Variants in TNKS observed in about 807,000 individuals in gnomAD.
TNKS encodes tankyrase, also known as poly [ADP-ribose] polymerase tankyrase-1.
A neutral mutation model predicts 135.8 loss-of-function variants in TNKS; 72 were observed. That is an observed-to-expected ratio of 0.53 (90% CI 0.44 to 0.64). TNKS has a LOEUF of 0.64. Among genes scored for constraint, TNKS ranks in the 30% least tolerant of loss-of-function variants. The probability of loss-of-function intolerance (pLI) is 0.00; values close to 1 mark genes in which losing one functional copy is unlikely to be tolerated. For missense variants in TNKS, 1,769 were observed against 1,674.0 expected (o/e 1.06, Z -0.99); for synonymous variants, 849 against 649.3 (o/e 1.31, Z -4.68).
At chr8:9,769,553 A>C (rs1163047235) in intron 25 of TNKS, among the ~76,000 whole-genome samples, 1 of 148,220 alleles carries the variant, frequency 6.7e-6, no homozygotes, top group Non-Finnish European at 1.5e-5. Context: ...GCAAGGGCTC[A>C]GTTTTTTCTC....
intron 5 of TNKS, among the ~76,000 whole-genome samples, chr8:9,688,029 A>G (rs1803089070): frequency 6.6e-6 from 1 of 152,240 alleles, no homozygotes; most frequent in African/African-American, 2.4e-5. Context: ...GAAACACACA[A>G]GACAGCTTCT....
intron 11 of TNKS, among the ~76,000 whole-genome samples, chr8:9,713,400 A>C (rs1804431341): frequency 6.6e-6 from 1 of 152,196 alleles, no homozygotes; most frequent in Non-Finnish European, 1.5e-5. Flanking sequence ...GTCTCCCATC[A>C]GGCATTTTAG....
At chr8:9,629,517 G>A (rs981828041) in intron 3 of TNKS, among the ~76,000 whole-genome samples, 46 of 152,148 alleles carry the variant, frequency 3.0e-4, no homozygotes, top group Non-Finnish European at 4.4e-4. Context: ...TTTTCCTGTT[G>A]CTCCTGTATT....
intron 1 of TNKS, among the ~76,000 whole-genome samples, chr8:9,562,458 G>A (rs1797375202): frequency 6.6e-6 from 1 of 151,984 alleles, no homozygotes; most frequent in South Asian, 2.1e-4. Flanking sequence ...TATGATTTTA[G>A]CTACATTTTA....
intron 2 of TNKS, among the ~76,000 whole-genome samples, chr8:9,612,252 TAAA>T (rs1799490858): frequency 6.6e-6 from 1 of 152,244 alleles, no homozygotes; most frequent in Admixed American, 6.5e-5. Context: ...AAAATATAAA[TAAA>T]AAGAAGTACT....
At chr8:9,556,675 A>G in intron 1 of TNKS, 63 bp downstream of exon 1, 4 of 1,587,842 alleles carry the variant, frequency 2.5e-6, no homozygotes, top group South Asian at 2.2e-5. Flanking sequence ...CGGTTAGGAC[A>G]AGAAAACAGG....
At chr8:9,687,871 GT>G (rs574623312) in intron 5 of TNKS, among the ~76,000 whole-genome samples, 7 of 152,312 alleles carry the variant, frequency 4.6e-5, no homozygotes, top group Admixed American at 4.6e-4. Context: ...TTCAGCATCT[GT>G]TTTTAAAATT....
chr8:9,663,362 C>T (rs545760681), intron 3 of TNKS, among the ~76,000 whole-genome samples: 1 of 152,310 alleles, frequency 6.6e-6, no homozygotes, highest in Admixed American at 6.5e-5. Context: ...AAGGAAAGTG[C>T]TTGTCAAATA....
chr8:9,733,723 T>C (rs1015710010), intron 15 of TNKS, among the ~76,000 whole-genome samples: 8 of 152,200 alleles, frequency 5.3e-5, no homozygotes, highest in African/African-American at 1.4e-4. Flanking sequence ...CTAGTACTTA[T>C]AGTATTAATA....
At chr8:9,611,945 T>A (rs182891335) in intron 2 of TNKS, among the ~76,000 whole-genome samples, 182 of 152,214 alleles carry the variant, frequency 1.2e-3, no homozygotes, top group African/African-American at 4.2e-3. Flanking sequence ...ATTCAGAGGG[T>A]GGGAGAAGAA....
intron 3 of TNKS, among the ~76,000 whole-genome samples, chr8:9,668,592 G>A (rs1168347589): frequency 6.6e-6 from 1 of 152,200 alleles, no homozygotes; most frequent in East Asian, 1.9e-4. Flanking sequence ...TCAAAGCTAG[G>A]ACTGGAATCT....
At chr8:9,578,812 A>G (rs1798054768) in intron 1 of TNKS, among the ~76,000 whole-genome samples, 1 of 152,216 alleles carries the variant, frequency 6.6e-6, no homozygotes, top group Non-Finnish European at 1.5e-5. Context: ...ACCTAATACA[A>G]TTTAAAGTGG....
At chr8:9,751,522 A>C in intron 18 of TNKS, 87 bp from the exon 19 acceptor site, 1 of 1,276,718 alleles carries the variant, frequency 7.8e-7, no homozygotes, top group South Asian at 1.4e-5. Context: ...TAAGGAAAAA[A>C]TCCACAAAGT....
At position 9,654,887 on chromosome 8, in the gene TNKS, CGGACAGTGGGTGCA is replaced by C. The variant is rs139159865; in HGVS notation, c.995-25049_995-25036del. 8.4e-3 allele frequency among the ~76,000 whole-genome samples: 1,279 copies of C among 152,136 alleles called. 19 individuals carry two copies. The highest frequency in any genetic ancestry group is 0.029 in the African/African-American group (1,203 of 41,460). ...CCGGATTCATCTCACTGGGGAGTGC[CGGACAGTGGGTGCA>C]GGACAGTGGGTGCAACGCACCATGC... On this transcript the variant is annotated intron_variant, in intron 3 of 26. Coordinates refer to ENST00000310430, the MANE Select transcript of TNKS (RefSeq NM_003747.3).
intron 3 of TNKS, among the ~76,000 whole-genome samples, chr8:9,657,540 T>C (rs1266217043): frequency 6.0e-5 from 3 of 49,646 alleles, no homozygotes; most frequent in African/African-American, 1.6e-4. Context: ...CACTTCCCAG[T>C]AGGGGCGGCT....
At chr8:9,718,073 C>A (rs1463954570) in intron 11 of TNKS, among the ~76,000 whole-genome samples, 1 of 152,038 alleles carries the variant, frequency 6.6e-6, no homozygotes, top group African/African-American at 2.4e-5. Flanking sequence ...AAAGCAAGAT[C>A]TTTGTATTGT....
rs1807391793 is a variant in TNKS, at chr8:9,765,584, C to A, written c.3448-108C>A. ...TAGCTTTATCACTTTTAAATTATGT[C>A]TTAAGCAAAATAAAAATTGAACCTT... On this transcript the variant is annotated intron_variant, in intron 23 of 26. Coordinates refer to ENST00000310430, the MANE Select transcript of TNKS (RefSeq NM_003747.3). The A allele has an allele frequency of 8.1e-6, 7 of 868,702 alleles. No individual in the cohort carries two copies. The South Asian group carries it at 1.0e-4, about 13-fold the overall frequency. The allele number at this position is 868,702 out of a possible 1,614,324, so 53.8% of individuals were successfully genotyped here.
chr8:9,608,421 G>A (rs1799317674), intron 2 of TNKS, among the ~76,000 whole-genome samples: 1 of 151,980 alleles, frequency 6.6e-6, no homozygotes, highest in Non-Finnish European at 1.5e-5. Flanking sequence ...CGTCAGGTGT[G>A]TTAACAAGGC....
intron 19 of TNKS, 66 bp downstream of exon 19, chr8:9,751,912 C>A: frequency 7.3e-7 from 1 of 1,371,042 alleles, no homozygotes; most frequent in East Asian, 2.3e-5. Flanking sequence ...TGACTTTTTT[C>A]TATTGATAAC....
Sources: allele counts gnomAD v4.1 joint callset (sites outside exome capture counted in the v4.1 genomes callset), GRCh38; gene constraint gnomAD v4.1.1; transcripts MANE v1.5; gene names NCBI Gene and HGNC (gene_info 2026-07-23, HGNC 2026-07-21).